Variants in MFHAS1 observed in about 807,000 individuals in gnomAD.
MFHAS1 encodes multifunctional ROCO family signaling regulator 1, also known as malignant fibrous histiocytoma-amplified sequence 1.
Under a neutral mutation model 70.4 loss-of-function variants are expected in MFHAS1, and 50 were observed. That is an observed-to-expected ratio of 0.71 (90% CI 0.57 to 0.90). The LOEUF is 0.90. Among genes scored for constraint, MFHAS1 ranks in the 40% least tolerant of loss-of-function variants. The probability of loss-of-function intolerance (pLI) is 0.00; values close to 1 mark genes in which losing one functional copy is unlikely to be tolerated. For missense variants in MFHAS1, 1,795 were observed against 1,347.6 expected (o/e 1.33, Z -5.20); for synonymous variants, 952 against 620.0 (o/e 1.54, Z -7.96).
Position 8,892,356 on chromosome 8 carries a change from T to C in MFHAS1, c.703A>G (p.Ser235Gly). ...ALRALKILWL[S>G]GAELGTLPAG... ...GGCAGCGTGCCAAGCTCGGCCCCAC[T>C]CAGCCAGAGGATCTTGAGGGCACGC... The change falls in exon 1 of 3, where the codon AGT becomes GGT. Residue 235 changes from serine (S) to glycine (G), a missense_variant. Physicochemically the swap from Ser to Gly is moderately conservative, Grantham distance 56. Coordinates refer to ENST00000276282, the MANE Select transcript of MFHAS1 (RefSeq NM_004225.3). This position sits in a 1 kb window ranked among gnomAD's most constrained non-coding sequence, Gnocchi z 4.7. 1 of 1,611,986 alleles carries C rather than the reference T, an allele frequency of 6.2e-7. No homozygotes were observed. Among genetic ancestry groups the C allele is most frequent in the South Asian group, 1.1e-5 (1 of 91,042 alleles).
chr8:8,818,840 C>T (rs1350710271), intron 1 of MFHAS1, among the ~76,000 whole-genome samples: 2 of 152,072 alleles, frequency 1.3e-5, no homozygotes, highest in Non-Finnish European at 2.9e-5. Context: ...ATATTTCATC[C>T]CACTTCCAAT....
At chr8:8,794,661 C>T (rs534058883) in intron 2 of MFHAS1, among the ~76,000 whole-genome samples, 2 of 152,292 alleles carry the variant, frequency 1.3e-5, no homozygotes, top group African/African-American at 4.8e-5. Context: ...TGAAACTTCC[C>T]TACTTAGAGA....
chr8:8,796,650 C>T (rs1412262449), intron 2 of MFHAS1, among the ~76,000 whole-genome samples: 3 of 123,180 alleles, frequency 2.4e-5, no homozygotes, highest in African/African-American at 9.3e-5. Flanking sequence ...CGCCACTGCA[C>T]TCCAGCCTGG....
At chr8:8,867,765 G>C (rs1250055220) in intron 1 of MFHAS1, among the ~76,000 whole-genome samples, 1 of 151,996 alleles carries the variant, frequency 6.6e-6, no homozygotes, top group African/African-American at 2.4e-5. Context: ...CACCGTGTTA[G>C]GCAGGATTGT....
At chr8:8,879,802 C>G (rs1193075948) in intron 1 of MFHAS1, among the ~76,000 whole-genome samples, 2 of 152,182 alleles carry the variant, frequency 1.3e-5, no homozygotes, top group Non-Finnish European at 2.9e-5. Context: ...CAGTTCAGTA[C>G]AAACTTCTGT....
Position 8,784,970 on chromosome 8 carries a change from G to T in MFHAS1, c.*1052C>A, listed in dbSNP as rs4841038. The T allele has an allele frequency of 2.0e-5, 3 of 152,032 alleles. No homozygotes were observed. The highest frequency in any genetic ancestry group is 4.8e-5 in the African/African-American group (2 of 41,340). 9.4% of individuals were successfully genotyped at this position (152,032 alleles called of 1,614,324 possible). A position where few individuals can be genotyped will look rare whatever the true frequency, so the allele number is the denominator to read the frequency against. ...TGTGGGATTATGCTCTCCAGTGAAT[G>T]TAACTGGAGCCTAAATTCACAACCT... On this transcript the variant is annotated 3_prime_UTR_variant, in exon 3 of 3. Transcript: ENST00000276282.
At chr8:8,796,121 A>C (rs1316639114) in intron 2 of MFHAS1, among the ~76,000 whole-genome samples, 1 of 152,074 alleles carries the variant, frequency 6.6e-6, no homozygotes, top group Non-Finnish European at 1.5e-5. Flanking sequence ...CATACATAAA[A>C]CCCAAACCAA....
At chr8:8,874,289 G>A (rs1413201386) in intron 1 of MFHAS1, among the ~76,000 whole-genome samples, 1 of 149,948 alleles carries the variant, frequency 6.7e-6, no homozygotes, top group Non-Finnish European at 1.5e-5. Context: ...ACATCCATTG[G>A]TAGACTACTA....
Position 8,892,605 on chromosome 8 carries a change from C to A in MFHAS1, c.454G>T (p.Ala152Ser). The A allele has an allele frequency of 1.2e-6, 2 of 1,607,608 alleles. No individual in the cohort carries two copies. Among genetic ancestry groups the A allele is most frequent in the Non-Finnish European group, 1.7e-6 (2 of 1,177,636 alleles). Residue 152 changes from alanine (A) to serine (S), a missense_variant, in exon 1 of 3, where the codon GCC becomes TCC. Coordinates refer to ENST00000276282, the MANE Select transcript of MFHAS1 (RefSeq NM_004225.3). This position sits in a 1 kb window ranked among gnomAD's most constrained non-coding sequence, Gnocchi z 4.7. ...AGGTGAGCGAGAGCGCCCAGCTGGGCGGGCAGGGCGGGCAGCTGGTTGTGG... is the reference window on the plus strand; with the variant it reads ...AGGTGAGCGAGAGCGCCCAGCTGGGAGGGCAGGGCGGGCAGCTGGTTGTGG... Reference protein sequence around the residue: ...LSHNQLPALPAQLGALAHLEE... With the variant: ...LSHNQLPALPSQLGALAHLEE...
chr8:8,852,245 G>T (rs973885149), intron 1 of MFHAS1, among the ~76,000 whole-genome samples: 16 of 152,120 alleles, frequency 1.1e-4, no homozygotes, highest in African/African-American at 3.9e-4. Context: ...AAGCCGAGGC[G>T]GGCAGATCAC....
chr8:8,793,176 C>CAAA (rs59796124), intron 2 of MFHAS1, among the ~76,000 whole-genome samples: 2 of 145,116 alleles, frequency 1.4e-5, no homozygotes, highest in African/African-American at 5.0e-5. Flanking sequence ...GTTGTTAAAA[C>CAAA]AAAAAAAAAA....
chr8:8,884,520 C>T (rs1349824323), intron 1 of MFHAS1, among the ~76,000 whole-genome samples: 1 of 152,092 alleles, frequency 6.6e-6, no homozygotes, highest in Non-Finnish European at 1.5e-5. Flanking sequence ...AAATGAAGGA[C>T]CCATTCAAGG....
chr8:8,888,401 C>G (rs963883866), intron 1 of MFHAS1, among the ~76,000 whole-genome samples: 1 of 152,132 alleles, frequency 6.6e-6, no homozygotes, highest in South Asian at 2.1e-4. Flanking sequence ...CTCCGGGTCC[C>G]CTGGGGGTGG....
At chr8:8,858,997 C>T (rs537158565) in intron 1 of MFHAS1, among the ~76,000 whole-genome samples, 1 of 152,312 alleles carries the variant, frequency 6.6e-6, no homozygotes, top group Admixed American at 6.5e-5. Context: ...TACATATGCA[C>T]ACACATACAC....
chr8:8,822,566 G>A (rs757096348), intron 1 of MFHAS1, among the ~76,000 whole-genome samples: 2 of 148,362 alleles, frequency 1.3e-5, no homozygotes, highest in Non-Finnish European at 3.0e-5. Flanking sequence ...AAGTCAGGGG[G>A]CCTGAGGTGA....
chr8:8,854,549 G>A lies in MFHAS1; in HGVS notation c.2998+35512C>T, dbSNP rs141132275. On this transcript the variant is annotated intron_variant, in intron 1 of 2. Coordinates refer to ENST00000276282, the MANE Select transcript of MFHAS1 (RefSeq NM_004225.3). ...AAAAAAAAAAAATTAGCCAGGTGAG[G>A]TGGTGCATGCCTCTAGTCCCAGCAA... Among the ~76,000 whole-genome samples the A allele has an allele frequency of 2.6e-3, 395 of 151,450 alleles. 4 individuals are homozygous for A. Among genetic ancestry groups the A allele is most frequent in the African/African-American group, 9.3e-3 (384 of 41,236 alleles).
intron 1 of MFHAS1, among the ~76,000 whole-genome samples, chr8:8,851,892 C>G (rs2116873147): frequency 6.6e-6 from 1 of 152,292 alleles, no homozygotes; most frequent in East Asian, 1.9e-4. Flanking sequence ...GTTCTCCATT[C>G]TCTTGGTGAC....
chr8:8,866,151 G>T lies in MFHAS1; in HGVS notation c.2998+23910C>A, dbSNP rs73190090. 6.1e-3 allele frequency among the ~76,000 whole-genome samples: 926 copies of T among 152,210 alleles called. 8 individuals carry two copies. Among genetic ancestry groups the T allele is most frequent in the Non-Finnish European group, 0.01 (713 of 67,984 alleles). On this transcript the variant is annotated intron_variant, in intron 1 of 2. Coordinates refer to ENST00000276282, the MANE Select transcript of MFHAS1 (RefSeq NM_004225.3). ...AAGAATACAGAAGAACAGGGCCTGG[G>T]AACCTAGGAGCACTTCTCTTTACCA...
At chr8:8,829,542 A>G (rs1036388907) in intron 1 of MFHAS1, among the ~76,000 whole-genome samples, 5 of 152,180 alleles carry the variant, frequency 3.3e-5, no homozygotes, top group African/African-American at 1.2e-4. Context: ...TTAGCCAAGC[A>G]AGGTGGCAGG....
Sources: gnomAD v4.1 joint callset for allele counts (sites outside exome capture counted in the v4.1 genomes callset) on GRCh38, gnomAD v4.1.1 for gene constraint, Gnocchi (gnomAD v3.1) non-coding constraint, MANE v1.5 for transcripts, NCBI Gene and HGNC (gene_info 2026-07-23, HGNC 2026-07-21) for gene names.